Variants in GNA12 observed in about 807,000 individuals in gnomAD.
The protein encoded by GNA12 is guanine nucleotide-binding protein subunit alpha-12.
GNA12 carries 9 observed loss-of-function variants against 26.0 expected under a neutral mutation model. The ratio of observed to expected loss-of-function variants is 0.35; its 90% CI spans 0.21 to 0.60. The LOEUF (loss-of-function observed/expected upper bound fraction) is 0.60, where lower values mean the gene tolerates loss of function less well. GNA12 is among the 20% of genes least tolerant of loss of function. GNA12 has a pLI of 0.78. For synonymous variants in GNA12, 264 were observed against 219.6 expected, an observed-to-expected ratio of 1.20 and a Z score of -1.79; for missense variants, 405 against 525.8, an observed-to-expected ratio of 0.77 and a Z score of 2.25.
At chr7:2,813,102 G>A (rs950381188) in intron 1 of GNA12, among the ~76,000 whole-genome samples, 3 of 152,082 alleles carry the variant, frequency 2.0e-5, no homozygotes, top group African/African-American at 7.2e-5. Flanking sequence ...AATTTTATTT[G>A]TAGACACACA....
At chr7:2,744,445 T>G (rs561627371) in intron 2 of GNA12, among the ~76,000 whole-genome samples, 1 of 152,304 alleles carries the variant, frequency 6.6e-6, no homozygotes, top group East Asian at 1.9e-4. Flanking sequence ...CCAACAGACC[T>G]GCAGCTGAGG....
intron 1 of GNA12, among the ~76,000 whole-genome samples, chr7:2,839,526 G>A (rs1360939130): frequency 6.6e-6 from 1 of 152,166 alleles, no homozygotes; most frequent in African/African-American, 2.4e-5. Context: ...TGGGATTACA[G>A]GCACCTGCTA....
Position 2,728,655 on chromosome 7 carries a change from A to C in GNA12, c.*2526T>G, listed in dbSNP as rs574356514. 1 of 152,710 alleles carries C rather than the reference A, an allele frequency of 6.5e-6. No homozygotes were observed. Among genetic ancestry groups the C allele is most frequent in the Admixed American group, 6.5e-5 (1 of 15,306 alleles). 9.5% of individuals were successfully genotyped at this position (152,710 alleles called of 1,614,324 possible). On this transcript the variant is annotated 3_prime_UTR_variant, in exon 4 of 4. Transcript: ENST00000275364. The stretch of plus-strand genomic sequence containing the variant: ...CTTAATAAAAAAGACAATAAGGATT[A>C]ACAGTGAAATTAAAATTAAAAAATA...
At chr7:2,792,363 C>T (rs532621445) in intron 2 of GNA12, among the ~76,000 whole-genome samples, 1 of 152,170 alleles carries the variant, frequency 6.6e-6, no homozygotes, top group African/African-American at 2.4e-5. Context: ...ACTTCCATGT[C>T]GTGACAATAC....
intron 2 of GNA12, among the ~76,000 whole-genome samples, chr7:2,759,067 G>A (rs1791432730): frequency 6.6e-6 from 1 of 151,570 alleles, no homozygotes; most frequent in Non-Finnish European, 1.5e-5. Flanking sequence ...TTGAACCCAG[G>A]GGGCGGAGGT....
At chr7:2,788,896 C>T (rs1250474995) in intron 2 of GNA12, among the ~76,000 whole-genome samples, 2 of 152,144 alleles carry the variant, frequency 1.3e-5, no homozygotes, top group African/African-American at 4.8e-5. Flanking sequence ...TCTCTGCTCA[C>T]TGCAACCTCC....
At chr7:2,817,146 C>A (rs1413639829) in intron 1 of GNA12, among the ~76,000 whole-genome samples, 1 of 152,254 alleles carries the variant, frequency 6.6e-6, no homozygotes, top group African/African-American at 2.4e-5. Context: ...CGCTCTATTG[C>A]CCAGGCTGTA....
At chr7:2,760,802 C>T (rs1322860322) in intron 2 of GNA12, among the ~76,000 whole-genome samples, 2 of 152,212 alleles carry the variant, frequency 1.3e-5, no homozygotes, top group Admixed American at 1.3e-4. Flanking sequence ...GTCCCAGCTG[C>T]GTGGCTTTAC....
chr7:2,834,208 T>A (rs1397776578), intron 1 of GNA12, among the ~76,000 whole-genome samples: 1 of 152,246 alleles, frequency 6.6e-6, no homozygotes, highest in East Asian at 1.9e-4. Context: ...TGTATTCGAA[T>A]TTTCTGTCTT....
chr7:2,748,667 A>T (rs1194568685), intron 2 of GNA12, among the ~76,000 whole-genome samples: 1 of 152,228 alleles, frequency 6.6e-6, no homozygotes, highest in East Asian at 1.9e-4. Context: ...AATGGGATCT[A>T]ATTAAACTAA....
chr7:2,809,922 G>C (rs1226644968), intron 1 of GNA12, among the ~76,000 whole-genome samples: 3 of 152,092 alleles, frequency 2.0e-5, no homozygotes, highest in South Asian at 2.1e-4. Context: ...TAAATTCATA[G>C]TAAAAATTTC....
At position 2,765,296 on chromosome 7, in the gene GNA12, C is replaced by G. The variant is rs529098817; in HGVS notation, c.525+29632G>C. On this transcript the variant is annotated intron_variant, in intron 2 of 3. Transcript: ENST00000275364. ...CCGAGTAGCTGGGACCACAGGCACC[C>G]GCCACTGCGCCCGCCTAATTTTTTT... Among the ~76,000 whole-genome samples the G allele has an allele frequency of 2.6e-5, 4 of 152,012 alleles. No individual in the cohort carries two copies. The East Asian group carries it at 7.8e-4, about 30-fold the overall frequency.
At chr7:2,822,577 G>A (rs148836163) in intron 1 of GNA12, among the ~76,000 whole-genome samples, 1 of 152,296 alleles carries the variant, frequency 6.6e-6, no homozygotes, top group Non-Finnish European at 1.5e-5. Flanking sequence ...AAAAAGGACT[G>A]CAAGCCCAGG....
At chr7:2,835,738 A>G in intron 1 of GNA12, 1 of 885,898 alleles carries the variant, frequency 1.1e-6, no homozygotes, top group Non-Finnish European at 1.9e-6. Flanking sequence ...GAAGGAAGAA[A>G]TAGAAGTAAA....
intron 2 of GNA12, among the ~76,000 whole-genome samples, chr7:2,766,992 T>C (rs983908658): frequency 1.3e-5 from 2 of 152,244 alleles, no homozygotes; most frequent in African/African-American, 2.4e-5. Flanking sequence ...CCATCAGGGA[T>C]ACTGAGATAC....
intron 2 of GNA12, among the ~76,000 whole-genome samples, chr7:2,751,832 A>G (rs1791055008): frequency 6.6e-6 from 1 of 152,226 alleles, no homozygotes. Context: ...GAAAATTTGA[A>G]CAGCCTTTAA....
intron 2 of GNA12, chr7:2,763,137 C>G (rs1791648525): frequency 1.6e-5 from 19 of 1,212,142 alleles, no homozygotes; most frequent in Non-Finnish European, 1.6e-5. Flanking sequence ...TTCTCAGAAG[C>G]ATTTCTCGAA....
At chr7:2,755,179 G>C (rs1429789117) in intron 2 of GNA12, among the ~76,000 whole-genome samples, 1 of 152,014 alleles carries the variant, frequency 6.6e-6, no homozygotes, top group East Asian at 1.9e-4. Flanking sequence ...GGAGACAACA[G>C]GCCTTGGAAT....
At chr7:2,755,129 C>G (rs1014926323) in intron 2 of GNA12, among the ~76,000 whole-genome samples, 1 of 151,978 alleles carries the variant, frequency 6.6e-6, no homozygotes, top group African/African-American at 2.4e-5. Flanking sequence ...GACCTCGTGT[C>G]TCTCCCTGCG....
Sources: gnomAD v4.1 joint callset for allele counts (sites outside exome capture counted in the v4.1 genomes callset) on GRCh38, gnomAD v4.1.1 for gene constraint, MANE v1.5 for transcripts, NCBI Gene and HGNC (gene_info 2026-07-23, HGNC 2026-07-21) for gene names.